Variants in SPATA22 observed in about 807,000 individuals in gnomAD.
The protein encoded by SPATA22 is spermatogenesis-associated protein 22.
A neutral mutation model predicts 47.8 loss-of-function variants in SPATA22; 29 were observed. The observed-to-expected ratio is 0.61, with a 90% CI of 0.45 to 0.83. The LOEUF is 0.83. SPATA22 is among the 40% of genes least tolerant of loss of function. The pLI, the probability that SPATA22 is intolerant of heterozygous loss-of-function variation, is 0.00. For synonymous variants in SPATA22, 133 were observed against 140.9 expected (o/e 0.94, Z 0.40); for missense variants, 410 against 421.7 (o/e 0.97, Z 0.24).
At chr17:3,443,751 A>G (rs1262458589) in intron 7 of SPATA22, among the ~76,000 whole-genome samples, 1 of 152,030 alleles carries the variant, frequency 6.6e-6, no homozygotes, top group African/African-American at 2.4e-5. Flanking sequence ...TATTTTTATT[A>G]TATACATTTA....
chr17:3,466,365 C>A (rs1426619802), intron 3 of SPATA22, among the ~76,000 whole-genome samples: 1 of 151,996 alleles, frequency 6.6e-6, no homozygotes, highest in Non-Finnish European at 1.5e-5. Context: ...TCAACAACAA[C>A]CATTAAGACC....
chr17:3,479,317 A>T (rs769639284), intron 1 of SPATA22, among the ~76,000 whole-genome samples: 7 of 152,210 alleles, frequency 4.6e-5, no homozygotes, highest in Non-Finnish European at 8.8e-5. Context: ...CCATTTACTC[A>T]AATGCGGAAG....
Position 3,448,803 on chromosome 17 carries a change from T to C in SPATA22, c.672+4A>G. ...AAGTCATTAATTTGTATTTAAACAT[T>C]TACCTTCAGGGTGTTGTCTTCTGGA... On this transcript the variant is annotated splice_donor_region_variant and intron_variant, in intron 6 of 8. Transcript: ENST00000572969. The C allele has an allele frequency of 6.4e-7, 1 of 1,569,510 alleles. No individual in the cohort carries two copies. Among genetic ancestry groups the C allele is most frequent in the Non-Finnish European group, 8.6e-7 (1 of 1,156,608 alleles).
Position 3,498,978 on chromosome 17 carries a change from G to A in SPATA22, c.-74+14434C>T, listed in dbSNP as rs140581464. The A allele has an allele frequency of 1.3e-4, 211 of 1,614,142 alleles. No individual in the cohort carries two copies. In the East Asian group the frequency reaches 2.5e-3, roughly 19 times the overall value. On this transcript the variant is annotated intron_variant, in intron 1 of 8. Coordinates refer to the SPATA22 transcript ENST00000541913. Reference sequence around the variant, plus strand: ...GATCCCACTGGGCGGAGACTGTACCGTGTACCCCGTGTTTGTGAATGAGGC... The same window carrying A: ...GATCCCACTGGGCGGAGACTGTACCATGTACCCCGTGTTTGTGAATGAGGC...
At chr17:3,444,701 C>A (rs1420219454) in intron 7 of SPATA22, among the ~76,000 whole-genome samples, 2 of 152,010 alleles carry the variant, frequency 1.3e-5, no homozygotes, top group African/African-American at 4.8e-5. Context: ...ATTCTCTATG[C>A]AACACAATAT....
chr17:3,513,854 G>C (rs545886104), upstream of SPATA22: 1,016 of 1,404,968 alleles, frequency 7.2e-4, 5 homozygotes, highest in African/African-American at 0.01. Context: ...TCTCTGCACA[G>C]AGTCGGTGAC....
At chr17:3,510,787 C>T (rs1429707144) in intron 1 of SPATA22, 1 of 152,174 alleles carries the variant, frequency 6.6e-6, no homozygotes, top group Non-Finnish European at 1.5e-5. Flanking sequence ...CTACCTGGGC[C>T]CTGCCCAGAG....
At chr17:3,486,060 G>A (rs1254473527) in intron 1 of SPATA22, among the ~76,000 whole-genome samples, 1 of 151,952 alleles carries the variant, frequency 6.6e-6, no homozygotes, top group Admixed American at 6.6e-5. Context: ...AGCCTCCTGA[G>A]TAGCTGGGAT....
At chr17:3,469,486 C>G in intron 1 of SPATA22, 88 bp from the exon 2 acceptor site, 1 of 578,434 alleles carries the variant, frequency 1.7e-6, no homozygotes, top group Non-Finnish European at 3.0e-6. Flanking sequence ...TGGTTGTAAA[C>G]TACTTTCAAA....
At chr17:3,445,987 C>T (rs1254247261) in intron 7 of SPATA22, among the ~76,000 whole-genome samples, 1 of 152,052 alleles carries the variant, frequency 6.6e-6, no homozygotes, top group East Asian at 1.9e-4. Flanking sequence ...TTTGGAGGCT[C>T]TAGAGTAAAA....
intron 1 of SPATA22, among the ~76,000 whole-genome samples, chr17:3,470,759 A>G (rs1040844223): frequency 1.4e-5 from 1 of 72,538 alleles, no homozygotes; most frequent in Admixed American, 1.2e-4. Context: ...TCAAAAAAAA[A>G]AGAAAAAAAA....
chr17:3,464,039 T>C (rs1401912043), intron 3 of SPATA22, among the ~76,000 whole-genome samples: 1 of 150,066 alleles, frequency 6.7e-6, no homozygotes, highest in Non-Finnish European at 1.5e-5. Context: ...AAGCCGAAGC[T>C]GGACTGTACT....
At chr17:3,443,023 A>G (rs548043727) in intron 8 of SPATA22, 151 bp downstream of exon 8, 2 of 593,836 alleles carry the variant, frequency 3.4e-6, no homozygotes, top group South Asian at 4.6e-5. Flanking sequence ...GGCTCTCTAT[A>G]TTATAAAAAT....
intron 7 of SPATA22, among the ~76,000 whole-genome samples, chr17:3,443,635 T>A (rs1290028851): frequency 2.6e-5 from 4 of 152,000 alleles, no homozygotes; most frequent in Non-Finnish European, 4.4e-5. Context: ...CATCATAATT[T>A]AATGAAAAAA....
chr17:3,462,032 C>T lies in SPATA22; in HGVS notation c.329+451G>A, dbSNP rs1019435313. 2.0e-5 allele frequency among the ~76,000 whole-genome samples: 3 copies of T among 152,170 alleles called. No homozygotes were observed. In the East Asian group the frequency reaches 5.8e-4, roughly 29 times the overall value. ...CCTACTATTGCAGATGCATATGCAT[C>T]ACAGCCTCCATTTTTCTTTCTTCTG... On this transcript the variant is annotated intron_variant, in intron 5 of 8. Transcript: ENST00000572969.
At chr17:3,495,057 T>C (rs1327007172) in intron 1 of SPATA22, among the ~76,000 whole-genome samples, 1 of 151,966 alleles carries the variant, frequency 6.6e-6, no homozygotes, top group Non-Finnish European at 1.5e-5. Context: ...ATCTACTCCT[T>C]GCCTAGTTTT....
intron 5 of SPATA22, among the ~76,000 whole-genome samples, chr17:3,460,792 C>CAAAAAAAAA (rs71379504): frequency 1.7e-5 from 1 of 60,096 alleles, no homozygotes; most frequent in Non-Finnish European, 2.8e-5. Flanking sequence ...GATCCAGTCT[C>CAAAAAAAAA]AAAAAAAAAA....
At chr17:3,481,878 AAC>A in intron 1 of SPATA22, 3 of 1,319,400 alleles carry the variant, frequency 2.3e-6, no homozygotes, top group Non-Finnish European at 3.2e-6. Context: ...ACAATCAGAA[AAC>A]AGTTATGAGG....
At chr17:3,510,428 C>T (rs754319985) in intron 1 of SPATA22, 4 of 152,228 alleles carry the variant, frequency 2.6e-5, no homozygotes, top group African/African-American at 4.8e-5. Context: ...TTTACCCACT[C>T]CTGTTAACAA....
Sources: allele counts gnomAD v4.1 joint callset (sites outside exome capture counted in the v4.1 genomes callset), GRCh38; gene constraint gnomAD v4.1.1; transcripts MANE v1.5; gene names NCBI Gene and HGNC (gene_info 2026-07-23, HGNC 2026-07-21).